The following PDZD2 variants were observed in gnomAD, a reference collection of about 807,000 sequenced individuals.
PDZD2 encodes the protein PDZ domain containing 2.
Under a neutral mutation model 220.7 loss-of-function variants are expected in PDZD2, and 90 were observed. The ratio of observed to expected loss-of-function variants is 0.41; its 90% CI spans 0.34 to 0.49. The LOEUF (loss-of-function observed/expected upper bound fraction) is 0.49, where lower values mean the gene tolerates loss of function less well. Ranked by LOEUF, PDZD2 falls within the 20% of genes least tolerant of loss-of-function variation. The pLI, the probability that PDZD2 is intolerant of heterozygous loss-of-function variation, is 0.28. For missense variants in PDZD2, 3,174 were observed against 3,608.5 expected (o/e 0.88, Z 3.08); for synonymous variants, 1,375 against 1,450.5 (o/e 0.95, Z 1.18).
At chr5:31,974,959 A>C (rs1749613256) in intron 2 of PDZD2, among the ~76,000 whole-genome samples, 1 of 152,176 alleles carries the variant, frequency 6.6e-6, no homozygotes, top group Non-Finnish European at 1.5e-5. Context: ...GGTAGTTGAT[A>C]ATTTGAATTG....
intron 6 of PDZD2, among the ~76,000 whole-genome samples, chr5:32,023,628 G>A (rs540492004): frequency 6.6e-6 from 1 of 152,266 alleles, no homozygotes; most frequent in South Asian, 2.1e-4. Flanking sequence ...GAGATACCAT[G>A]CTAGCTTCTT....
chr5:31,907,899 A>G (rs1742801916), intron 2 of PDZD2, among the ~76,000 whole-genome samples: 1 of 152,030 alleles, frequency 6.6e-6, no homozygotes, highest in South Asian at 2.1e-4. Flanking sequence ...CCTGGCCAAT[A>G]TGGTGAAACC....
chr5:32,038,182 T>A (rs1284872870), intron 7 of PDZD2, among the ~76,000 whole-genome samples: 8 of 109,052 alleles, frequency 7.3e-5, no homozygotes, highest in South Asian at 3.4e-4. Flanking sequence ...TTTCCTCCAT[T>A]AAAAAAAAAA....
At chr5:31,830,227 GC>G (rs1217473996) in intron 2 of PDZD2, among the ~76,000 whole-genome samples, 2 of 150,122 alleles carry the variant, frequency 1.3e-5, no homozygotes, top group East Asian at 3.9e-4. Flanking sequence ...GTGCAGTGGA[GC>G]GATCTCGGCT....
intron 1 of PDZD2, among the ~76,000 whole-genome samples, chr5:31,682,853 T>C (rs1746702665): frequency 6.6e-6 from 1 of 151,990 alleles, no homozygotes; most frequent in African/African-American, 2.4e-5. Flanking sequence ...CACCCCTCCC[T>C]TTCCCCTGAC....
chr5:31,870,493 G>C (rs1738687752), intron 2 of PDZD2, among the ~76,000 whole-genome samples: 3 of 152,166 alleles, frequency 2.0e-5, no homozygotes, highest in African/African-American at 7.2e-5. Context: ...AAAAGGAAGA[G>C]GGTGGTTTAA....
At chr5:31,766,008 A>G (rs1029837312) in intron 1 of PDZD2, among the ~76,000 whole-genome samples, 1 of 145,056 alleles carries the variant, frequency 6.9e-6, no homozygotes, top group Non-Finnish European at 1.6e-5. Context: ...GCAAAACCCT[A>G]TCTCTACAAA....
At chr5:31,698,893 G>A (rs1747492777) in intron 1 of PDZD2, among the ~76,000 whole-genome samples, 1 of 152,160 alleles carries the variant, frequency 6.6e-6, no homozygotes, top group African/African-American at 2.4e-5. Context: ...CTTCCCTGCT[G>A]TGGTTTGTGG....
Position 32,098,858 on chromosome 5 carries a change from G to A in PDZD2, c.8218+224G>A, listed in dbSNP as rs79639434. On this transcript the variant is annotated intron_variant, in intron 23 of 24. Transcript: ENST00000438447. The surrounding 1 kb of genome is among the most constrained non-coding windows in gnomAD (Gnocchi z 4.1). The stretch of plus-strand genomic sequence containing the variant: ...TCCCCCCAGTAGTTCAAGCTGTACT[G>A]TGGAAGATTTAAAATGACTGCAGAA... Among the ~76,000 whole-genome samples, 1,872 of 152,322 alleles carry A rather than the reference G, an allele frequency of 0.012. 32 individuals carry two copies. Among genetic ancestry groups the A allele is most frequent in the African/African-American group, 0.042 (1,755 of 41,566 alleles).
At chr5:31,880,927 G>A (rs1276586055) in intron 2 of PDZD2, among the ~76,000 whole-genome samples, 5 of 146,748 alleles carry the variant, frequency 3.4e-5, no homozygotes, top group East Asian at 2.2e-4. Flanking sequence ...TCAGCCTCCC[G>A]AGTAGCTGGG....
At chr5:31,954,476 C>T (rs1747479895) in intron 2 of PDZD2, among the ~76,000 whole-genome samples, 2 of 152,138 alleles carry the variant, frequency 1.3e-5, no homozygotes, top group African/African-American at 4.8e-5. Context: ...TTCTGCCATT[C>T]CTCATTACTG....
chr5:31,912,049 C>T (rs1489033850), intron 2 of PDZD2, among the ~76,000 whole-genome samples: 2 of 152,178 alleles, frequency 1.3e-5, no homozygotes, highest in African/African-American at 2.4e-5. Flanking sequence ...GCCCCGGCCC[C>T]AGCCCCAGCC....
chr5:31,714,611 A>G (rs1396497604), intron 1 of PDZD2, among the ~76,000 whole-genome samples: 1 of 152,134 alleles, frequency 6.6e-6, no homozygotes, highest in African/African-American at 2.4e-5. Flanking sequence ...TTATAATCCC[A>G]TATCTGCAAC....
intron 2 of PDZD2, among the ~76,000 whole-genome samples, chr5:31,855,606 C>A (rs1368926901): frequency 6.6e-6 from 1 of 152,204 alleles, no homozygotes; most frequent in Admixed American, 6.5e-5. Flanking sequence ...GTCCCCCATC[C>A]CTCGCTAGCA....
At chr5:31,774,531 T>C (rs1465963113) in intron 1 of PDZD2, among the ~76,000 whole-genome samples, 4 of 151,956 alleles carry the variant, frequency 2.6e-5, no homozygotes, top group Admixed American at 6.6e-5. Flanking sequence ...CTGACCAACA[T>C]GGTGAAACCC....
chr5:31,763,806 A>G (rs1050718556), intron 1 of PDZD2, among the ~76,000 whole-genome samples: 3 of 151,822 alleles, frequency 2.0e-5, no homozygotes, highest in African/African-American at 7.3e-5. Context: ...AACTGCAAGC[A>G]GTCTTCAAAG....
intron 24 of PDZD2, among the ~76,000 whole-genome samples, chr5:32,102,283 C>T (rs1283155683): frequency 6.6e-6 from 1 of 151,874 alleles, no homozygotes; most frequent in Admixed American, 6.6e-5. Flanking sequence ...GGAGCAGGGG[C>T]GCTGCAGACT....
At chr5:32,009,268 G>A (rs1753095612) in intron 5 of PDZD2, among the ~76,000 whole-genome samples, 1 of 151,964 alleles carries the variant, frequency 6.6e-6, no homozygotes, top group African/African-American at 2.4e-5. Context: ...GCTTGAACTG[G>A]GGAGGTGGAG....
intron 2 of PDZD2, among the ~76,000 whole-genome samples, chr5:31,963,194 G>C (rs1030473): frequency 0.39 from 59,501 of 152,106 alleles, 12,210 homozygotes; most frequent in East Asian, 0.62. Flanking sequence ...TGTCTGCAGA[G>C]ACCTTCTCTT....
Sources: allele counts gnomAD v4.1 joint callset (sites outside exome capture counted in the v4.1 genomes callset), GRCh38; gene constraint gnomAD v4.1.1; non-coding constraint Gnocchi (gnomAD v3.1); transcripts MANE v1.5; gene names NCBI Gene and HGNC (gene_info 2026-07-23, HGNC 2026-07-21).